TACC1: variants seen among roughly 807,000 people sequenced by gnomAD.
TACC1 encodes the protein transforming acidic coiled-coil containing protein 1, also known as transforming acidic coiled-coil-containing protein 1.
TACC1 carries 48 observed loss-of-function variants against 84.4 expected under a neutral mutation model. The ratio of observed to expected loss-of-function variants is 0.57; its 90% CI spans 0.45 to 0.72. The LOEUF (loss-of-function observed/expected upper bound fraction) is 0.72. TACC1 is among the 30% of genes least tolerant of loss of function. The pLI is 0.00. For synonymous variants in TACC1, 372 were observed against 376.3 expected, an observed-to-expected ratio of 0.99 and a Z score of 0.13; for missense variants, 920 against 973.0, an observed-to-expected ratio of 0.95 and a Z score of 0.72.
rs370756581 is a variant in TACC1 at position 38,848,856 on chromosome 8, A to G, written c.*833A>G. 18 of 152,266 alleles carry G rather than the reference A, an allele frequency of 1.2e-4. No homozygotes were observed. The East Asian group carries it at 3.1e-3, about 26-fold the overall frequency. 9.4% of individuals were successfully genotyped at this position (152,266 alleles called of 1,614,324 possible). ...GTGTCTGCTTTCTGCATGAACGGCA[A>G]TATGGGACTCCCTCCAAGCTAGGGT... On this transcript the variant is annotated 3_prime_UTR_variant, in exon 13 of 13. Transcript: ENST00000317827.
At chr8:38,733,291 A>G (rs1218736895) in intron 1 of TACC1, among the ~76,000 whole-genome samples, 1 of 150,482 alleles carries the variant, frequency 6.6e-6, no homozygotes, top group African/African-American at 2.4e-5. Context: ...TCTCATATCC[A>G]GAATTGATCC....
At chr8:38,840,158 G>C (rs1830957029) in intron 8 of TACC1, 66 bp from the exon 9 acceptor site, 1 of 1,231,204 alleles carries the variant, frequency 8.1e-7, no homozygotes, top group Non-Finnish European at 1.2e-6. Context: ...GTTTGGGACA[G>C]CATTTCTCCA....
Position 38,825,320 on chromosome 8 carries a change from G to C in TACC1, c.1404G>C (p.Lys468Asn). 1 of 1,614,148 alleles carries C rather than the reference G, an allele frequency of 6.2e-7. No individual in the cohort carries two copies. The highest frequency in any genetic ancestry group is 8.5e-7 in the Non-Finnish European group (1 of 1,180,014). ...CTTCTCTTTCCAGGAGTGGCTGTAA[G>C]GTGAAGAAGCATGAAACTCAGTCTC... Reference protein sequence around the residue: ...AKSRLITSGCKVKKHETQSLA... With the variant: ...AKSRLITSGCNVKKHETQSLA... The change falls in exon 4 of 13, where the codon AAG becomes AAC. Residue 468 changes from lysine (K) to asparagine (N), a missense_variant. Physicochemically the swap from Lys to Asn is moderately conservative, Grantham distance 94. This residue lies in a region of TACC1 where 762 missense variants were observed against 747.3 expected (regional missense o/e 1.02). Coordinates refer to ENST00000317827, the MANE Select transcript of TACC1 (RefSeq NM_006283.3).
At position 38,848,242 on chromosome 8, in the gene TACC1, A is replaced by G; in HGVS notation, c.*219A>G. The stretch of plus-strand genomic sequence containing the variant: ...AGTCTAGAAAGGAGTGTGACCTGAC[A>G]GTGCTGGAGCCTCCTAGTTTCCCCC... On this transcript the variant is annotated 3_prime_UTR_variant, in exon 13 of 13. Transcript: ENST00000317827. The G allele has an allele frequency of 2.5e-6, 1 of 395,026 alleles. No homozygotes were observed. The highest frequency in any genetic ancestry group is 3.8e-5 in the East Asian group (1 of 26,346). The allele number at this position is 395,026 out of a possible 1,614,324, so 24.5% of individuals were successfully genotyped here.
At chr8:38,825,460 T>C in intron 4 of TACC1, 92 bp downstream of exon 4, 1 of 1,348,178 alleles carries the variant, frequency 7.4e-7, no homozygotes, top group Non-Finnish European at 1.1e-6. Context: ...AAAAGGACTT[T>C]CCAATGGGTA....
intron 1 of TACC1, among the ~76,000 whole-genome samples, chr8:38,732,286 T>C (rs187841509): frequency 1.3e-5 from 2 of 151,680 alleles, no homozygotes; most frequent in East Asian, 3.9e-4. Context: ...TAATGTTATA[T>C]AAAGCAAAAA....
At chr8:38,783,993 T>A (rs1309672222), upstream of TACC1, among the ~76,000 whole-genome samples, 2 of 152,238 alleles carry the variant, frequency 1.3e-5, no homozygotes, top group African/African-American at 2.4e-5. Flanking sequence ...TGATTAGACA[T>A]CATCATGCCC....
intron 11 of TACC1, among the ~76,000 whole-genome samples, chr8:38,844,024 C>G (rs552645337): frequency 1.2e-4 from 18 of 152,074 alleles, no homozygotes; most frequent in Admixed American, 2.6e-4. Context: ...ATTTGATAGC[C>G]CTAGATAATA....
chr8:38,827,780 A>G (rs7821004), intron 5 of TACC1: 60,757 of 176,110 alleles, frequency 0.34, 10,624 homozygotes, highest in Non-Finnish European at 0.37. Context: ...TAAGCATGGC[A>G]CCAGTGCCTG....
At position 38,840,280 on chromosome 8, in the gene TACC1, T is replaced by C; in HGVS notation, c.1960+13T>C. On this transcript the variant is annotated intron_variant, in intron 9 of 12. Transcript: ENST00000317827. ...GCTCAAATGATTGGTAAGGAGAACA[T>C]TTTGTTTTTTGAGGGTATGAGCCAT... The C allele has an allele frequency of 6.2e-7, 1 of 1,611,770 alleles. No individual in the cohort carries two copies. Among genetic ancestry groups the C allele is most frequent in the Non-Finnish European group, 8.5e-7 (1 of 1,178,142 alleles).
Position 38,777,255 on chromosome 8 carries a change from C to CA in TACC1, c.27-11433dup, listed in dbSNP as rs767145067. Among the ~76,000 whole-genome samples, 506 of 88,160 alleles carry CA rather than the reference C, an allele frequency of 5.7e-3. 1 individual carries two copies. The highest frequency in any genetic ancestry group is 7.8e-3 in the South Asian group (21 of 2,690). 57.8% of individuals were successfully genotyped at this position (88,160 alleles called of 152,430 possible). A position where few individuals can be genotyped will look rare whatever the true frequency, so the allele number is the denominator to read the frequency against. ...TGGGCAACAGAGTGAGACTCCATCT[C>CA]AAAAAAAAAAAAAAAAGAGAAGATA... On this transcript the variant is annotated intron_variant, in intron 3 of 14. Coordinates refer to the TACC1 transcript ENST00000518415.
intron 3 of TACC1, among the ~76,000 whole-genome samples, chr8:38,756,972 G>A (rs1810170360): frequency 6.6e-6 from 1 of 152,108 alleles, no homozygotes; most frequent in Admixed American, 6.5e-5. Flanking sequence ...GGATCGCGGA[G>A]TCCCGGGGGC....
At chr8:38,822,192 C>T (rs1197562405) in intron 3 of TACC1, among the ~76,000 whole-genome samples, 1 of 149,152 alleles carries the variant, frequency 6.7e-6, no homozygotes, top group Non-Finnish European at 1.5e-5. Context: ...TTGCTGTGAG[C>T]CATGATTATG....
chr8:38,811,831 T>C (rs1824229686), intron 2 of TACC1, among the ~76,000 whole-genome samples: 1 of 152,174 alleles, frequency 6.6e-6, no homozygotes, highest in African/African-American at 2.4e-5. Context: ...TGACTGCCTG[T>C]GGGGTCGGGC....
At chr8:38,750,264 C>T (rs1423453194) in intron 3 of TACC1, among the ~76,000 whole-genome samples, 1 of 152,160 alleles carries the variant, frequency 6.6e-6, no homozygotes, top group Admixed American at 6.5e-5. Context: ...AATTCAACTC[C>T]TTTTTATCAT....
At chr8:38,748,819 TTGAAAGCCTATA>T (rs1563250053) in intron 3 of TACC1, among the ~76,000 whole-genome samples, 1 of 152,082 alleles carries the variant, frequency 6.6e-6, no homozygotes, top group Non-Finnish European at 1.5e-5. Context: ...ATTTACAGTT[TTGAAAGCCTATA>T]CGAAGTGGGG....
At chr8:38,839,973 T>C (rs562661407) in intron 8 of TACC1, 30 of 287,212 alleles carry the variant, frequency 1.0e-4, no homozygotes, top group Middle Eastern at 1.1e-3. Flanking sequence ...GGGAAGGCAG[T>C]TGGTTCTATA....
chr8:38,805,550 G>A (rs1681112664), intron 2 of TACC1: 2 of 152,328 alleles, frequency 1.3e-5, no homozygotes, highest in Non-Finnish European at 2.9e-5. Flanking sequence ...CTTTGAGTGT[G>A]GCTTTTGCCT....
At position 38,745,446 on chromosome 8, in the gene TACC1, G is replaced by A. The variant is rs1416262550; in HGVS notation, c.-22G>A. The A allele has an allele frequency of 3.4e-5, 23 of 672,124 alleles. No individual in the cohort carries two copies. The Middle Eastern group carries it at 1.9e-3, about 55-fold the overall frequency. The allele number at this position is 672,124 out of a possible 1,614,324, so 41.6% of individuals were successfully genotyped here. Reference sequence around the variant, plus strand: ...AATGGAACGTAGTCTTAAGAGAAAAGTCAATCAAATCTGACCTGGAGATGA... The same window carrying A: ...AATGGAACGTAGTCTTAAGAGAAAAATCAATCAAATCTGACCTGGAGATGA... On this transcript the variant is annotated 5_prime_UTR_variant, in exon 3 of 15. Transcript: ENST00000518415.
Sources: allele counts gnomAD v4.1 joint callset (sites outside exome capture counted in the v4.1 genomes callset), GRCh38; gene constraint gnomAD v4.1.1; regional missense constraint gnomAD v4.1.1; transcripts MANE v1.5; gene names NCBI Gene and HGNC (gene_info 2026-07-23, HGNC 2026-07-21).